MYO3B: variants seen among roughly 807,000 people sequenced by gnomAD.
MYO3B encodes myosin IIIB.
In MYO3B, 156 loss-of-function variants were observed where a neutral mutation model predicts 174.6. The ratio of observed to expected loss-of-function variants is 0.89; its 90% CI spans 0.78 to 1.02. MYO3B has a LOEUF of 1.02. Among genes scored for constraint, MYO3B ranks in the 50% least tolerant of loss-of-function variants. MYO3B has a pLI of 0.00. For synonymous variants in MYO3B, 563 were observed against 569.1 expected, an observed-to-expected ratio of 0.99 and a Z score of 0.15; for missense variants, 1,632 against 1,639.4, an observed-to-expected ratio of 1.00 and a Z score of 0.08.
At chr2:170,261,416 G>A (rs2093345342) in intron 7 of MYO3B, among the ~76,000 whole-genome samples, 1 of 152,182 alleles carries the variant, frequency 6.6e-6, no homozygotes, top group Non-Finnish European at 1.5e-5. Context: ...ACCTGGACAT[G>A]GTGGCGAGCA....
chr2:170,338,599 C>CT (rs978311951), intron 8 of MYO3B, among the ~76,000 whole-genome samples: 5 of 151,782 alleles, frequency 3.3e-5, no homozygotes, highest in African/African-American at 4.8e-5. Flanking sequence ...AATATACTTT[C>CT]TTTTTTTTGT....
At chr2:170,623,864 G>C (rs1696155770) in intron 32 of MYO3B, among the ~76,000 whole-genome samples, 1 of 152,084 alleles carries the variant, frequency 6.6e-6, no homozygotes, top group Non-Finnish European at 1.5e-5. Flanking sequence ...TGTCAGGTTT[G>C]TCAAAGATCA....
In MYO3B at chr2:170,462,049, G is replaced by A. The variant is rs185568805; in HGVS notation, c.2731-1319G>A. ...CAGAGTGGACCCATCTGGTGACAGC[G>A]GAGAGAGTATAACACGCTCTGCAGG... On this transcript the variant is annotated intron_variant, in intron 23 of 34. Transcript: ENST00000408978. Among the ~76,000 whole-genome samples, 9 of 152,324 alleles carry A rather than the reference G, an allele frequency of 5.9e-5. No homozygotes were observed. In the East Asian group the frequency reaches 7.7e-4, roughly 13 times the overall value.
intron 32 of MYO3B, among the ~76,000 whole-genome samples, chr2:170,578,352 A>G (rs188682603): frequency 1.3e-5 from 2 of 152,368 alleles, no homozygotes; most frequent in East Asian, 3.9e-4. Flanking sequence ...TTACTGAAGC[A>G]CAATTTAAGG....
At chr2:170,540,273 A>G (rs1474539105) in intron 30 of MYO3B, among the ~76,000 whole-genome samples, 1 of 151,950 alleles carries the variant, frequency 6.6e-6, no homozygotes, top group Admixed American at 6.6e-5. Flanking sequence ...GCAGTGAGCC[A>G]TGATCATGTC....
At position 170,618,101 on chromosome 2, in the gene MYO3B, G is replaced by C. The variant is rs370597234; in HGVS notation, c.3734-33527G>C. 2.6e-5 allele frequency among the ~76,000 whole-genome samples: 4 copies of C among 152,236 alleles called. No individual in the cohort carries two copies. In the East Asian group the frequency reaches 7.7e-4, roughly 29 times the overall value. Reference sequence around the variant, plus strand: ...ATCTAATGAGAGACATACATTAGTGGGTCCCAGGCAGAAAGGTGGATACCT... The same window carrying C: ...ATCTAATGAGAGACATACATTAGTGCGTCCCAGGCAGAAAGGTGGATACCT... On this transcript the variant is annotated intron_variant, in intron 32 of 34. Coordinates refer to ENST00000408978, the MANE Select transcript of MYO3B (RefSeq NM_138995.5).
intron 16 of MYO3B, among the ~76,000 whole-genome samples, chr2:170,398,106 C>T (rs928313893): frequency 6.6e-6 from 1 of 151,656 alleles, no homozygotes; most frequent in Non-Finnish European, 1.5e-5. Flanking sequence ...GCCTGTAATC[C>T]TAGCTACTCA....
chr2:170,366,649 T>G (rs1188349259), intron 8 of MYO3B, among the ~76,000 whole-genome samples: 4 of 152,214 alleles, frequency 2.6e-5, no homozygotes, highest in Admixed American at 6.5e-5. Context: ...TCTTCATTTT[T>G]TGGATCTTCA....
At chr2:170,451,448 G>A (rs961804842) in intron 23 of MYO3B, among the ~76,000 whole-genome samples, 4 of 152,228 alleles carry the variant, frequency 2.6e-5, no homozygotes, top group Non-Finnish European at 5.9e-5. Flanking sequence ...TTACCTTAAA[G>A]CATTTTAACA....
chr2:170,485,305 C>G (rs893343048), intron 25 of MYO3B, among the ~76,000 whole-genome samples: 8 of 151,600 alleles, frequency 5.3e-5, no homozygotes, highest in African/African-American at 1.9e-4. Flanking sequence ...AATTTCTTTT[C>G]CATATCCCTA....
At chr2:170,218,718 A>G (rs1256227627) in intron 6 of MYO3B, among the ~76,000 whole-genome samples, 1 of 152,226 alleles carries the variant, frequency 6.6e-6, no homozygotes, top group African/African-American at 2.4e-5. Context: ...TTAATAGTAA[A>G]CATAATATGA....
chr2:170,498,309 A>G lies in MYO3B; in HGVS notation c.3015-283A>G, dbSNP rs1687011436. 2.0e-5 allele frequency among the ~76,000 whole-genome samples: 3 copies of G among 152,288 alleles called. No individual in the cohort carries two copies. In the East Asian group the frequency reaches 5.8e-4, roughly 29 times the overall value. On this transcript the variant is annotated intron_variant, in intron 25 of 34. Coordinates refer to ENST00000408978, the MANE Select transcript of MYO3B (RefSeq NM_138995.5). ...GTCTAAATTTCAGCTTTCTAAAAAG[A>G]TTATTTTGATTTTGAATGCACTAGA...
chr2:170,596,355 C>T (rs183860527), intron 32 of MYO3B, among the ~76,000 whole-genome samples: 36 of 152,286 alleles, frequency 2.4e-4, no homozygotes, highest in Admixed American at 1.8e-3. Flanking sequence ...AGGACTGGTC[C>T]GTGAGTCCCT....
chr2:170,280,166 G>A (rs568596835), intron 7 of MYO3B, among the ~76,000 whole-genome samples: 1 of 152,276 alleles, frequency 6.6e-6, no homozygotes, highest in South Asian at 2.1e-4. Context: ...TGACTGGTGA[G>A]AGATGGTATC....
chr2:170,555,961 C>T (rs1691262348), intron 32 of MYO3B, among the ~76,000 whole-genome samples: 1 of 152,040 alleles, frequency 6.6e-6, no homozygotes, highest in Non-Finnish European at 1.5e-5. Flanking sequence ...TTTGGGAGGC[C>T]AAGACAGGTG....
chr2:170,242,391 C>A (rs2093143903), intron 7 of MYO3B, among the ~76,000 whole-genome samples: 1 of 152,142 alleles, frequency 6.6e-6, no homozygotes, highest in East Asian at 1.9e-4. Flanking sequence ...CCCAGAATAT[C>A]TTCTGGGCCC....
chr2:170,297,883 T>C (rs1358537515), intron 7 of MYO3B, among the ~76,000 whole-genome samples: 1 of 152,156 alleles, frequency 6.6e-6, no homozygotes, highest in African/African-American at 2.4e-5. Flanking sequence ...AATGTACCAT[T>C]AGCAATTAGG....
chr2:170,259,754 C>A (rs2093331143), intron 7 of MYO3B, among the ~76,000 whole-genome samples: 2 of 151,822 alleles, frequency 1.3e-5, no homozygotes, highest in African/African-American at 4.8e-5. Flanking sequence ...TTTTGCATAG[C>A]AAAATAAAAT....
chr2:170,370,889 T>G (rs920163146), intron 9 of MYO3B, among the ~76,000 whole-genome samples: 24 of 141,720 alleles, frequency 1.7e-4, no homozygotes, highest in African/African-American at 7.2e-4. Flanking sequence ...CTATGCTCTC[T>G]CTCTCTCTCT....
Sources: gnomAD v4.1 joint callset for allele counts (sites outside exome capture counted in the v4.1 genomes callset) on GRCh38, gnomAD v4.1.1 for gene constraint, MANE v1.5 for transcripts, NCBI Gene and HGNC (gene_info 2026-07-23, HGNC 2026-07-21) for gene names.